The following CDK19 variants were observed in gnomAD, a reference collection of about 807,000 sequenced individuals.
CDK19 encodes cyclin-dependent kinase 19.
Under a neutral mutation model 68.3 loss-of-function variants are expected in CDK19, and 20 were observed. The observed-to-expected ratio is 0.29, with a 90% CI of 0.21 to 0.43. CDK19 has a LOEUF of 0.43. Among genes scored for constraint, CDK19 ranks in the 20% least tolerant of loss-of-function variants. CDK19 has a pLI of 1.00. For synonymous variants in CDK19, 221 were observed against 222.8 expected (o/e 0.99, Z 0.07); for missense variants, 339 against 623.5 (o/e 0.54, Z 4.86).
chr6:110,759,422 A>AT lies in CDK19; in HGVS notation c.129-13222_129-13221insA, dbSNP rs1267022921. On this transcript the variant is annotated intron_variant, in intron 1 of 12. Transcript: ENST00000368911. ...TCCGTCTTAAAAAAAAAAAAAAAAA[A>AT]AAAAAAATATATATATATATATATA... Among the ~76,000 whole-genome samples, 44 of 112,526 alleles carry AT rather than the reference A, an allele frequency of 3.9e-4. No individual in the cohort carries two copies. In the South Asian group the frequency reaches 6.2e-3, roughly 16 times the overall value. 73.8% of individuals were successfully genotyped at this position (112,526 alleles called of 152,430 possible). A position where few individuals can be genotyped will look rare whatever the true frequency, so the allele number is the denominator to read the frequency against.
intron 2 of CDK19, among the ~76,000 whole-genome samples, chr6:110,725,409 A>T (rs1776247561): frequency 6.6e-6 from 1 of 152,200 alleles, no homozygotes; most frequent in South Asian, 2.1e-4. Flanking sequence ...AATGACTCAA[A>T]TGTTGAGATG....
At position 110,670,585 on chromosome 6, in the gene CDK19, G is replaced by T. The variant is rs749411869; in HGVS notation, c.205-44C>A. ...GAGGGGTCACTGTTGTGTTAGCAAG[G>T]AGGGGGAAATGATGAATGTCTTATA... is the stretch of plus-strand genomic sequence containing the variant. On this transcript the variant is annotated intron_variant, in intron 2 of 12. Transcript: ENST00000368911. 9.7e-6 allele frequency: 11 copies of T among 1,130,368 alleles called. No homozygotes were observed. The African/African-American group carries it at 1.2e-4, about 13-fold the overall frequency. The allele number at this position is 1,130,368 out of a possible 1,614,324, so 70.0% of individuals were successfully genotyped here.
intron 1 of CDK19, among the ~76,000 whole-genome samples, chr6:110,753,592 C>T (rs1345278185): frequency 6.6e-6 from 1 of 150,954 alleles, no homozygotes; most frequent in Non-Finnish European, 1.5e-5. Context: ...CACTATGTTT[C>T]CCAGGCTGGT....
intron 1 of CDK19, chr6:110,814,689 A>G: frequency 1.8e-6 from 1 of 550,612 alleles, no homozygotes; most frequent in Non-Finnish European, 3.5e-6. Flanking sequence ...CCAAGAGACT[A>G]GACCCCACAA....
intron 2 of CDK19, among the ~76,000 whole-genome samples, chr6:110,729,175 G>A (rs540428095): frequency 6.6e-6 from 1 of 152,208 alleles, no homozygotes; most frequent in Non-Finnish European, 1.5e-5. Context: ...GTAAGTAAAA[G>A]AGCTAGGACA....
intron 2 of CDK19, among the ~76,000 whole-genome samples, chr6:110,743,168 T>C (rs1461749543): frequency 6.6e-6 from 1 of 152,170 alleles, no homozygotes; most frequent in Non-Finnish European, 1.5e-5. Flanking sequence ...TATAAAATTG[T>C]GTTAGTGGGC....
At chr6:110,617,309 G>C (rs1324920179) in intron 12 of CDK19, among the ~76,000 whole-genome samples, 2 of 152,160 alleles carry the variant, frequency 1.3e-5, no homozygotes, top group Non-Finnish European at 2.9e-5. Context: ...TGAGACTCCT[G>C]TCCCAGAGGG....
At chr6:110,807,555 G>C (rs1180037112) in intron 1 of CDK19, among the ~76,000 whole-genome samples, 1 of 152,116 alleles carries the variant, frequency 6.6e-6, no homozygotes, top group East Asian at 1.9e-4. Flanking sequence ...CACCTCCCAG[G>C]TTCAAGCAAT....
chr6:110,670,153 C>A (rs1770874327), intron 3 of CDK19, among the ~76,000 whole-genome samples: 2 of 151,930 alleles, frequency 1.3e-5, no homozygotes, highest in South Asian at 4.1e-4. Flanking sequence ...GCAAAACTCC[C>A]TTCCCCGTTC....
chr6:110,809,353 G>A (rs892685717), intron 1 of CDK19, among the ~76,000 whole-genome samples: 5 of 151,776 alleles, frequency 3.3e-5, no homozygotes, highest in African/African-American at 7.3e-5. Context: ...GTGAGACCTC[G>A]TCTCTACAAA....
intron 2 of CDK19, among the ~76,000 whole-genome samples, chr6:110,701,924 C>A (rs1329727683): frequency 6.6e-6 from 1 of 152,054 alleles, no homozygotes; most frequent in Non-Finnish European, 1.5e-5. Flanking sequence ...AGGTGGATCA[C>A]AAGGTCAGGA....
chr6:110,775,826 T>C (rs1780356787), intron 1 of CDK19, among the ~76,000 whole-genome samples: 1 of 152,320 alleles, frequency 6.6e-6, no homozygotes, highest in Non-Finnish European at 1.5e-5. Context: ...AGGAACAAAG[T>C]ATTGTCTTAA....
intron 2 of CDK19, among the ~76,000 whole-genome samples, chr6:110,689,078 G>T (rs1361161357): frequency 6.6e-6 from 1 of 152,158 alleles, no homozygotes; most frequent in Non-Finnish European, 1.5e-5. Context: ...TACGGTGGGT[G>T]TCAGATCTGC....
In CDK19 at chr6:110,621,166, T is replaced by A; in HGVS notation, c.1315A>T (p.Lys439Ter). 1 of 1,614,128 alleles carries A rather than the reference T, an allele frequency of 6.2e-7. No homozygotes were observed. Among genetic ancestry groups the A allele is most frequent in the Non-Finnish European group, 8.5e-7 (1 of 1,180,026 alleles). ...SSLNQVPPNK[K>*]PRLGPSGANS... ...GCGCCTGAAGGCCCTAGCCGTGGCT[T>A]CTTGTTTGGAGGCACCTGGTTCAGG... The change falls in exon 12 of 13, where the codon AAG (lysine) becomes TAG (stop). Residue 439 changes from lysine to a stop codon, truncating the protein, a stop_gained. Coordinates refer to ENST00000368911, the MANE Select transcript of CDK19 (RefSeq NM_015076.5). LOFTEE classifies it high-confidence loss of function. This position sits in a 1 kb window ranked among gnomAD's most constrained non-coding sequence, Gnocchi z 5.4.
At chr6:110,685,676 T>C (rs1772416798) in intron 2 of CDK19, among the ~76,000 whole-genome samples, 1 of 152,356 alleles carries the variant, frequency 6.6e-6, no homozygotes, top group Middle Eastern at 3.4e-3. Flanking sequence ...TGATAAATTG[T>C]TAACTCTCCT....
chr6:110,684,189 T>G (rs1772252860), intron 2 of CDK19, among the ~76,000 whole-genome samples: 1 of 152,042 alleles, frequency 6.6e-6, no homozygotes, highest in Non-Finnish European at 1.5e-5. Flanking sequence ...CATTTACTGA[T>G]TCATTAAGTA....
intron 2 of CDK19, among the ~76,000 whole-genome samples, chr6:110,745,601 T>G (rs554811498): frequency 6.6e-6 from 1 of 152,334 alleles, no homozygotes; most frequent in African/African-American, 2.4e-5. Context: ...TAAATCATTT[T>G]GTTCAGTATT....
intron 1 of CDK19, among the ~76,000 whole-genome samples, chr6:110,760,881 T>C (rs1779184481): frequency 6.6e-6 from 1 of 152,192 alleles, no homozygotes; most frequent in Non-Finnish European, 1.5e-5. Flanking sequence ...GAATTCAAAC[T>C]TAAGTAGTCT....
chr6:110,691,507 C>A (rs1772986328), intron 2 of CDK19, among the ~76,000 whole-genome samples: 1 of 151,792 alleles, frequency 6.6e-6, no homozygotes, highest in African/African-American at 2.4e-5. Context: ...AGGCCAGGTG[C>A]AGTGGCTTAC....
Sources: allele counts gnomAD v4.1 joint callset (sites outside exome capture counted in the v4.1 genomes callset), GRCh38; gene constraint gnomAD v4.1.1; non-coding constraint Gnocchi (gnomAD v3.1); transcripts MANE v1.5; gene names NCBI Gene and HGNC (gene_info 2026-07-23, HGNC 2026-07-21).